Variants in UTRN observed in about 807,000 individuals in gnomAD.
UTRN encodes dystrophin-related protein 1.
In UTRN, 283 loss-of-function variants were observed where a neutral mutation model predicts 463.9. The ratio of observed to expected loss-of-function variants is 0.61; its 90% CI spans 0.55 to 0.67. UTRN has a LOEUF of 0.67. Ranked by LOEUF, UTRN falls within the 30% of genes least tolerant of loss-of-function variation. The pLI is 0.00. For missense variants in UTRN, 3,922 were observed against 4,084.3 expected (o/e 0.96, Z 1.08); for synonymous variants, 1,442 against 1,431.5 (o/e 1.01, Z -0.17).
At chr6:144,355,115 A>C (rs1222323071) in intron 2 of UTRN, among the ~76,000 whole-genome samples, 1 of 152,162 alleles carries the variant, frequency 6.6e-6, no homozygotes, top group African/African-American at 2.4e-5. Flanking sequence ...AATGAGATAT[A>C]ATTCCTGTTA....
chr6:144,442,238 A>G (rs143018954), intron 13 of UTRN, among the ~76,000 whole-genome samples: 1 of 152,216 alleles, frequency 6.6e-6, no homozygotes, highest in East Asian at 1.9e-4. Context: ...TGTTTCCTTT[A>G]TAAAACTGAA....
intron 41 of UTRN, among the ~76,000 whole-genome samples, chr6:144,523,754 TA>T (rs1381363846): frequency 6.6e-6 from 1 of 152,334 alleles, no homozygotes; most frequent in South Asian, 2.1e-4. Context: ...CCATTCTCTT[TA>T]AAAAAACTAA....
intron 29 of UTRN, among the ~76,000 whole-genome samples, chr6:144,487,934 A>C (rs1792637056): frequency 6.6e-6 from 1 of 152,224 alleles, no homozygotes; most frequent in Non-Finnish European, 1.5e-5. Flanking sequence ...TTCTACTTAC[A>C]AACATTTAAT....
At chr6:144,367,053 G>A (rs1779573826) in intron 2 of UTRN, among the ~76,000 whole-genome samples, 1 of 151,636 alleles carries the variant, frequency 6.6e-6, no homozygotes, top group South Asian at 2.1e-4. Context: ...GCGCAATCTT[G>A]GCTCACTGCA....
At chr6:144,531,919 T>C (rs1170006967) in intron 42 of UTRN, among the ~76,000 whole-genome samples, 1 of 152,084 alleles carries the variant, frequency 6.6e-6, no homozygotes, top group African/African-American at 2.4e-5. Flanking sequence ...GGGCGGATTA[T>C]GAGGTCAGGA....
At chr6:144,351,429 T>C (rs928254606) in intron 2 of UTRN, among the ~76,000 whole-genome samples, 2 of 152,240 alleles carry the variant, frequency 1.3e-5, no homozygotes, top group Non-Finnish European at 2.9e-5. Context: ...TGTAATTCTA[T>C]GTTGGGTTCA....
intron 2 of UTRN, among the ~76,000 whole-genome samples, chr6:144,394,488 G>A (rs137990579): frequency 4.5e-4 from 69 of 152,152 alleles, no homozygotes; most frequent in Non-Finnish European, 7.1e-4. Context: ...GGGAATTATG[G>A]GAGCTATAAT....
chr6:144,514,967 C>T, intron 37 of UTRN, 147 bp downstream of exon 37: 1 of 837,604 alleles, frequency 1.2e-6, no homozygotes, highest in Non-Finnish European at 1.7e-6. Context: ...AGTGCAGTGG[C>T]ATGAGCTCAC....
intron 51 of UTRN, among the ~76,000 whole-genome samples, chr6:144,633,939 T>G (rs954501030): frequency 2.6e-5 from 4 of 152,132 alleles, no homozygotes; most frequent in African/African-American, 7.2e-5. Context: ...AGCTAGAAGG[T>G]TTTTGGATTA....
intron 51 of UTRN, among the ~76,000 whole-genome samples, chr6:144,667,368 T>C (rs760767060): frequency 1.8e-4 from 28 of 152,220 alleles, no homozygotes; most frequent in Non-Finnish European, 3.2e-4. Context: ...TTTTACTTTT[T>C]GCTTCTCTTC....
At chr6:144,364,962 A>G (rs1779387693) in intron 2 of UTRN, among the ~76,000 whole-genome samples, 2 of 152,238 alleles carry the variant, frequency 1.3e-5, no homozygotes, top group Non-Finnish European at 2.9e-5. Flanking sequence ...ACACCAGGCT[A>G]ACCCAAGATA....
intron 51 of UTRN, among the ~76,000 whole-genome samples, chr6:144,606,922 G>A (rs757369694): frequency 1.3e-5 from 2 of 152,200 alleles, no homozygotes; most frequent in East Asian, 3.8e-4. Context: ...TCAGGTGAAC[G>A]CCTGTAAGGA....
intron 72 of UTRN, 109 bp from the exon 73 acceptor site, chr6:144,840,631 C>A: frequency 1.6e-6 from 2 of 1,214,538 alleles, no homozygotes; most frequent in Non-Finnish European, 2.3e-6. Flanking sequence ...AATCTTTTCA[C>A]ATTGATATTT....
At position 144,700,357 on chromosome 6, in the gene UTRN, C is replaced by A. The variant is rs7755541; in HGVS notation, c.7809+114C>A. The A allele has an allele frequency of 1.9e-3, 2,249 of 1,205,162 alleles. 37 individuals carry two copies. The African/African-American group carries it at 0.031, about 17-fold the overall frequency. 74.7% of individuals were successfully genotyped at this position (1,205,162 alleles called of 1,614,324 possible). Reference sequence around the variant, plus strand: ...AACCAATTATCACAGGATTCCCCCCCCCACCACCGTCTGCTTTTAGTTGCC... The same window carrying A: ...AACCAATTATCACAGGATTCCCCCCACCACCACCGTCTGCTTTTAGTTGCC... On this transcript the variant is annotated intron_variant, in intron 53 of 74. Transcript: ENST00000367545.
Position 144,361,772 on chromosome 6 carries a change from C to CTTTCT in UTRN, c.80-41348_80-41347insCTTTT, listed in dbSNP as rs1554225855. ...CCTGGCTAATTTTCTTTCTTTCTTT[C>CTTTCT]TTTTTTTTTTTTTTGTAGAGATGGG... On this transcript the variant is annotated intron_variant, in intron 2 of 74. Coordinates refer to ENST00000367545, the MANE Select transcript of UTRN (RefSeq NM_007124.3). Among the ~76,000 whole-genome samples, 85 of 134,818 alleles carry CTTTCT rather than the reference C, an allele frequency of 6.3e-4. 3 individuals are homozygous for CTTTCT. In the South Asian group the frequency reaches 0.02, roughly 31 times the overall value. 88.4% of individuals were successfully genotyped at this position (134,818 alleles called of 152,430 possible).
intron 3 of UTRN, among the ~76,000 whole-genome samples, chr6:144,407,241 A>G (rs1049975938): frequency 3.3e-5 from 5 of 152,194 alleles, no homozygotes; most frequent in African/African-American, 1.2e-4. Context: ...GTAGGTATCC[A>G]GTAAACTATT....
intron 58 of UTRN, among the ~76,000 whole-genome samples, chr6:144,766,645 A>G (rs1793377256): frequency 6.6e-6 from 1 of 152,044 alleles, no homozygotes; most frequent in African/African-American, 2.4e-5. Flanking sequence ...GTGCAGGAGA[A>G]AAGTTGGAAG....
intron 2 of UTRN, chr6:144,344,338 T>C (rs1436074281): frequency 7.7e-7 from 1 of 1,303,918 alleles, no homozygotes; most frequent in East Asian, 5.5e-5. Flanking sequence ...TCCCAGCCAG[T>C]GAGGTTTTCT....
Position 144,565,192 on chromosome 6 carries a change from T to C in UTRN, c.7289+7881T>C, listed in dbSNP as rs75784078. On this transcript the variant is annotated intron_variant, in intron 50 of 74. Transcript: ENST00000367545. ...TTAAGGGCTTGGAAACAATCCAAGA[T>C]GGTATTTTGTAAAAGGATGAGTGGT... Among the ~76,000 whole-genome samples the C allele has an allele frequency of 9.6e-3, 1,464 of 152,252 alleles. 5 individuals carry two copies. The highest frequency in any genetic ancestry group is 0.016 in the Non-Finnish European group (1,119 of 68,000).
Sources: gnomAD v4.1 joint callset for allele counts (sites outside exome capture counted in the v4.1 genomes callset) on GRCh38, gnomAD v4.1.1 for gene constraint, MANE v1.5 for transcripts, NCBI Gene and HGNC (gene_info 2026-07-23, HGNC 2026-07-21) for gene names.